The following CDH18 variants were observed in gnomAD, a reference collection of about 807,000 sequenced individuals.
The protein encoded by CDH18 is cadherin-18.
Under a neutral mutation model 67.9 loss-of-function variants are expected in CDH18, and 31 were observed. That is an observed-to-expected ratio of 0.46 (90% CI 0.34 to 0.62). The LOEUF (loss-of-function observed/expected upper bound fraction) is 0.62. Among genes scored for constraint, CDH18 ranks in the 20% least tolerant of loss-of-function variants. The pLI is 0.01. For synonymous variants in CDH18, 362 were observed against 347.2 expected (o/e 1.04, Z -0.48); for missense variants, 890 against 975.5 (o/e 0.91, Z 1.17).
At chr5:19,689,044 G>C (rs1186820511) in intron 5 of CDH18, among the ~76,000 whole-genome samples, 1 of 151,920 alleles carries the variant, frequency 6.6e-6, no homozygotes, top group Non-Finnish European at 1.5e-5. Context: ...ACATCATAAA[G>C]CAATAAAATA....
chr5:20,552,343 C>T (rs1183878409), intron 1 of CDH18, among the ~76,000 whole-genome samples: 2 of 151,788 alleles, frequency 1.3e-5, no homozygotes, highest in East Asian at 3.9e-4. Context: ...TGGGCGTGGT[C>T]GTGGGCGCCT....
At chr5:20,441,781 T>G (rs1434584181) in intron 1 of CDH18, among the ~76,000 whole-genome samples, 1 of 142,782 alleles carries the variant, frequency 7.0e-6, no homozygotes, top group Non-Finnish European at 1.5e-5. Flanking sequence ...AGGATTTATT[T>G]AGATCAATAA....
chr5:19,606,340 G>T (rs351311), intron 6 of CDH18, among the ~76,000 whole-genome samples: 99,317 of 151,828 alleles, frequency 0.65, 32,889 homozygotes, highest in South Asian at 0.76. Flanking sequence ...AGGAAAAAAT[G>T]TAAAAAATGA....
chr5:19,560,831 T>C (rs2149884771), intron 8 of CDH18, among the ~76,000 whole-genome samples: 1 of 151,626 alleles, frequency 6.6e-6, no homozygotes, highest in Non-Finnish European at 1.5e-5. Flanking sequence ...AAAAATCCCA[T>C]CAAAAAGTGG....
At chr5:20,052,604 G>T (rs1266872987) in intron 2 of CDH18, among the ~76,000 whole-genome samples, 2 of 152,004 alleles carry the variant, frequency 1.3e-5, no homozygotes, top group African/African-American at 4.8e-5. Context: ...AGGGGAAGGT[G>T]TTATTGATAT....
intron 2 of CDH18, among the ~76,000 whole-genome samples, chr5:19,968,412 T>A (rs1345526053): frequency 2.6e-5 from 4 of 152,136 alleles, no homozygotes; most frequent in Non-Finnish European, 5.9e-5. Flanking sequence ...AGAAAAAAGC[T>A]GGAGGCATCA....
At chr5:20,131,691 A>C (rs573451685) in intron 2 of CDH18, among the ~76,000 whole-genome samples, 1 of 152,288 alleles carries the variant, frequency 6.6e-6, no homozygotes, top group East Asian at 1.9e-4. Flanking sequence ...AGTTTCATTT[A>C]AAATATAATG....
chr5:20,107,393 G>A (rs1747055933), intron 2 of CDH18, among the ~76,000 whole-genome samples: 1 of 152,140 alleles, frequency 6.6e-6, no homozygotes, highest in Non-Finnish European at 1.5e-5. Flanking sequence ...TAACTTTCCT[G>A]AACAGAAATC....
At chr5:20,412,650 C>CA (rs1426741744) in intron 1 of CDH18, among the ~76,000 whole-genome samples, 2 of 152,024 alleles carry the variant, frequency 1.3e-5, no homozygotes, top group Non-Finnish European at 2.9e-5. Flanking sequence ...AAAACAACAA[C>CA]AAAAAATTGT....
rs916196634 is a variant in CDH18 at position 19,839,103 on chromosome 5, T to C, written c.-117A>G. 7 of 709,612 alleles carry C rather than the reference T, an allele frequency of 9.9e-6. No homozygotes were observed. In the African/African-American group the frequency reaches 1.2e-4, roughly 13 times the overall value. The allele number at this position is 709,612 out of a possible 1,614,324, so 44.0% of individuals were successfully genotyped here. A position where few individuals can be genotyped will look rare whatever the true frequency, so the allele number is the denominator to read the frequency against. On this transcript the variant is annotated 5_prime_UTR_variant, in exon 3 of 13. Coordinates refer to ENST00000382275, the MANE Select transcript of CDH18 (RefSeq NM_004934.5). ...TTAGGAAGGACAGTCCAAAGTAAAT[T>C]GTTTAGCGTGTCCATGATTTAACTG...
At chr5:19,536,051 ATT>A (rs1749362747) in intron 9 of CDH18, among the ~76,000 whole-genome samples, 1 of 152,172 alleles carries the variant, frequency 6.6e-6, no homozygotes, top group Non-Finnish European at 1.5e-5. Flanking sequence ...CTAGGAGCAA[ATT>A]ATATTTATGT....
Position 19,747,223 on chromosome 5 carries a change from G to A in CDH18, c.242C>T (p.Ser81Phe), listed in dbSNP as rs1461706836. The A allele has an allele frequency of 8.1e-6, 13 of 1,612,692 alleles. No individual in the cohort carries two copies. Among genetic ancestry groups the A allele is most frequent in the Non-Finnish European group, 1.1e-5 (13 of 1,178,878 alleles). ...CTTGACAGATCCATCACCTTTGTCA[G>A]AATTGGAGTGCAGCTGTGAAATACA... ...PQYVGKLHSN[S>F]DKGDGSVKYI... Residue 81 changes from serine to phenylalanine, a missense_variant, in exon 4 of 13, where the codon TCT becomes TTT. Physicochemically the swap from Ser to Phe is radical, Grantham distance 155. Coordinates refer to ENST00000382275, the MANE Select transcript of CDH18 (RefSeq NM_004934.5).
At position 19,687,222 on chromosome 5, in the gene CDH18, C is replaced by T. The variant is rs189808843; in HGVS notation, c.643+34125G>A. On this transcript the variant is annotated intron_variant, in intron 5 of 12. Coordinates refer to ENST00000382275, the MANE Select transcript of CDH18 (RefSeq NM_004934.5). ...TGAAGAGAGTGTGATGGCATTGCTC[C>T]GGGAGGGAGTGATGCTCCACTTGGT... Among the ~76,000 whole-genome samples the T allele has an allele frequency of 2.1e-3, 313 of 152,156 alleles. 1 individual carries two copies. The highest frequency in any genetic ancestry group is 0.017 in the Middle Eastern group (5 of 294).
intron 2 of CDH18, among the ~76,000 whole-genome samples, chr5:20,196,440 C>T (rs942347614): frequency 2.6e-5 from 4 of 152,088 alleles, no homozygotes; most frequent in African/African-American, 9.7e-5. Context: ...AAATTAAATG[C>T]AGGCAGTCTA....
chr5:19,585,159 T>C (rs959011429), intron 7 of CDH18, among the ~76,000 whole-genome samples: 6 of 152,196 alleles, frequency 3.9e-5, no homozygotes, highest in Admixed American at 2.6e-4. Context: ...ACCATTAATA[T>C]TAAATTAATT....
intron 3 of CDH18, among the ~76,000 whole-genome samples, chr5:19,764,410 C>T (rs146410525): frequency 0.02 from 2,959 of 151,724 alleles, 51 homozygotes; most frequent in South Asian, 0.032. Context: ...TAATGTACAA[C>T]GTAAGGTTGT....
chr5:20,028,895 C>T (rs145154558), intron 2 of CDH18, among the ~76,000 whole-genome samples: 2 of 152,216 alleles, frequency 1.3e-5, no homozygotes, highest in African/African-American at 2.4e-5. Flanking sequence ...ACTGTATCTG[C>T]GACTGAATCT....
rs3062888 is a variant in CDH18, at chr5:19,647,527, CAAAAAAAAAAA to C, written c.644-34937_644-34927del. Among the ~76,000 whole-genome samples, 105 of 28,808 alleles carry C rather than the reference CAAAAAAAAAAA, an allele frequency of 3.6e-3. 1 individual carries two copies. Among genetic ancestry groups the C allele is most frequent in the African/African-American group, 0.012 (87 of 7,486 alleles). 18.9% of individuals were successfully genotyped at this position (28,808 alleles called of 152,430 possible). A position where few individuals can be genotyped will look rare whatever the true frequency, so the allele number is the denominator to read the frequency against. ...CCCAGGTGACAGAGCGAGACTCCAT[CAAAAAAAAAAA>C]AAAAAAAAAAAAAAAAAAAAAGATG... is the stretch of plus-strand genomic sequence containing the variant. On this transcript the variant is annotated intron_variant, in intron 5 of 12. Coordinates refer to ENST00000382275, the MANE Select transcript of CDH18 (RefSeq NM_004934.5).
At chr5:20,289,358 C>A (rs886911854) in intron 1 of CDH18, among the ~76,000 whole-genome samples, 1 of 151,966 alleles carries the variant, frequency 6.6e-6, no homozygotes, top group African/African-American at 2.4e-5. Context: ...GAGCTAAAAC[C>A]TGACCTAGAA....
Sources: allele counts gnomAD v4.1 joint callset (sites outside exome capture counted in the v4.1 genomes callset), GRCh38; gene constraint gnomAD v4.1.1; transcripts MANE v1.5; gene names NCBI Gene and HGNC (gene_info 2026-07-23, HGNC 2026-07-21).